Variants in TMEM236 observed in about 807,000 individuals in gnomAD.
The protein encoded by TMEM236 is transmembrane protein 236, also known as family with sequence similarity 23, member A.
In TMEM236, 11 loss-of-function variants were observed where a neutral mutation model predicts 14.7. The ratio of observed to expected loss-of-function variants is 0.75; its 90% CI spans 0.47 to 1.24. The LOEUF is 1.24. Among genes scored for constraint, TMEM236 ranks in the 50% most tolerant of loss-of-function variants. The pLI is 0.00. For missense variants in TMEM236, 464 were observed against 427.3 expected (o/e 1.09, Z -0.76); for synonymous variants, 182 against 168.6 (o/e 1.08, Z -0.62).
intron 3 of TMEM236, among the ~76,000 whole-genome samples, chr10:17,777,576 G>A (rs923290516): frequency 6.6e-6 from 1 of 151,998 alleles, no homozygotes. Context: ...TTCTAGCTGT[G>A]CACGGCTGCA....
intron 1 of TMEM236, among the ~76,000 whole-genome samples, chr10:17,765,297 T>C (rs900674755): frequency 1.9e-4 from 29 of 152,126 alleles, no homozygotes; most frequent in Admixed American, 4.6e-4. Context: ...ACCCATAGGA[T>C]TTCACTCTCT....
Position 17,796,064 on chromosome 10 carries a change from C to G in TMEM236, c.616C>G (p.Arg206Gly), listed in dbSNP as rs1589155117. The G allele has an allele frequency of 6.2e-7, 1 of 1,613,896 alleles. No homozygotes were observed. Among genetic ancestry groups the G allele is most frequent in the Non-Finnish European group, 8.5e-7 (1 of 1,179,866 alleles). Reference protein sequence around the residue: ...QVSQPSGAMTRSQESVFMGPQ... With the variant: ...QVSQPSGAMTGSQESVFMGPQ... Reference sequence around the variant, plus strand: ...GTCGCAGCCATCAGGAGCCATGACACGGAGCCAGGAGTCTGTGTTCATGGG... The same window carrying G: ...GTCGCAGCCATCAGGAGCCATGACAGGGAGCCAGGAGTCTGTGTTCATGGG... The change falls in exon 4 of 4, where the codon CGG (arginine) becomes GGG (glycine). Residue 206 changes from arginine to glycine, a missense_variant. Coordinates refer to ENST00000377495, the MANE Select transcript of TMEM236 (RefSeq NM_001098844.3).
chr10:17,782,964 A>T (rs1837777946), intron 3 of TMEM236, among the ~76,000 whole-genome samples: 1 of 152,162 alleles, frequency 6.6e-6, no homozygotes, highest in African/African-American at 2.4e-5. Flanking sequence ...GCCTGAGGCG[A>T]TGTGCTTGAG....
At chr10:17,785,371 C>T (rs2131761128) in intron 3 of TMEM236, among the ~76,000 whole-genome samples, 1 of 152,258 alleles carries the variant, frequency 6.6e-6, no homozygotes, top group East Asian at 1.9e-4. Context: ...ACTCTGAGAA[C>T]CTCTTACTAT....
At position 17,796,350 on chromosome 10, in the gene TMEM236, T is replaced by A. The variant is rs1554836399; in HGVS notation, c.902T>A (p.Phe301Tyr). 1 of 1,613,906 alleles carries A rather than the reference T, an allele frequency of 6.2e-7. No individual in the cohort carries two copies. The highest frequency in any genetic ancestry group is 2.2e-5 in the East Asian group (1 of 44,882). ...SLSVLLQDLP[F>Y]VFVRLGLIIA... ...AGCGTCCTGCTGCAAGATTTACCAT[T>A]CGTTTTTGTTAGACTTGGTTTAATC... Residue 301 changes from phenylalanine to tyrosine, a missense_variant, in exon 4 of 4, where the codon TTC becomes TAC. Coordinates refer to ENST00000377495, the MANE Select transcript of TMEM236 (RefSeq NM_001098844.3).
chr10:17,800,181 G>A lies in TMEM236; in HGVS notation c.*3677G>A, dbSNP rs1838073919. Reference sequence around the variant, plus strand: ...CGGAGGGCAGAGGTTGCAGTGAGCTGAGATCTCGCCACTATGCTCCAGCCT... The same window carrying A: ...CGGAGGGCAGAGGTTGCAGTGAGCTAAGATCTCGCCACTATGCTCCAGCCT... On this transcript the variant is annotated 3_prime_UTR_variant, in exon 4 of 4. Transcript: ENST00000377495. The A allele has an allele frequency of 6.6e-6, 1 of 150,914 alleles. No individual in the cohort carries two copies. Among genetic ancestry groups the A allele is most frequent in the Non-Finnish European group, 1.5e-5 (1 of 67,880 alleles). 9.3% of individuals were successfully genotyped at this position (150,914 alleles called of 1,614,324 possible). A position where few individuals can be genotyped will look rare whatever the true frequency, so the allele number is the denominator to read the frequency against.
intron 1 of TMEM236, among the ~76,000 whole-genome samples, chr10:17,757,176 G>A (rs906309173): frequency 5.3e-5 from 8 of 152,038 alleles, no homozygotes; most frequent in African/African-American, 1.9e-4. Flanking sequence ...ACTGTTCTAG[G>A]AGCTTTACAC....
At chr10:17,779,195 C>G (rs1837708468) in intron 3 of TMEM236, among the ~76,000 whole-genome samples, 1 of 152,108 alleles carries the variant, frequency 6.6e-6, no homozygotes, top group African/African-American at 2.4e-5. Context: ...AGCATTGCAA[C>G]CATACCTGTT....
Position 17,796,297 on chromosome 10 carries a change from T to G in TMEM236, c.849T>G (p.Thr283=). 1 of 1,613,918 alleles carries G rather than the reference T, an allele frequency of 6.2e-7. No homozygotes were observed. The highest frequency in any genetic ancestry group is 8.5e-7 in the Non-Finnish European group (1 of 1,179,866). The change falls in exon 4 of 4, where the codon ACT becomes ACG. Residue 283 remains threonine (T), a synonymous_variant. Coordinates refer to ENST00000377495, the MANE Select transcript of TMEM236 (RefSeq NM_001098844.3). Reference sequence around the variant, plus strand: ...TTTCTCTCCTTCGAATTACATTCACTCCCCAAAACCCTCTTCTCAATTCCC... The same window carrying G: ...TTTCTCTCCTTCGAATTACATTCACGCCCCAAAACCCTCTTCTCAATTCCC... ...SFISLLRITF[T]PQNPLLNSLS...
At chr10:17,759,889 A>T (rs1028219624) in intron 1 of TMEM236, among the ~76,000 whole-genome samples, 1 of 143,724 alleles carries the variant, frequency 7.0e-6, no homozygotes, top group Non-Finnish European at 1.5e-5. Flanking sequence ...AGGCTGAGGC[A>T]GGAGAATGGC....
chr10:17,757,598 CA>C (rs143988279), intron 1 of TMEM236, among the ~76,000 whole-genome samples: 1,467 of 98,562 alleles, frequency 0.015, 7 homozygotes, highest in African/African-American at 0.032. Context: ...AACCCTGTCT[CA>C]AAAAAAAAAA....
intron 1 of TMEM236, among the ~76,000 whole-genome samples, chr10:17,770,524 C>T (rs552712939): frequency 2.0e-5 from 3 of 152,296 alleles, no homozygotes; most frequent in African/African-American, 7.2e-5. Flanking sequence ...GCTGGGACTA[C>T]AGGTGCTCGC....
intron 3 of TMEM236, among the ~76,000 whole-genome samples, chr10:17,794,280 C>T (rs1474487729): frequency 6.6e-6 from 1 of 152,116 alleles, no homozygotes; most frequent in African/African-American, 2.4e-5. Context: ...TAGAGCTATT[C>T]AGTCTAATGG....
chr10:17,796,399 C>T lies in TMEM236; in HGVS notation c.951C>T (p.Pro317=), dbSNP rs1326251606. ...TCATTGCCCTGGGGACTATCACACC[C>T]GTACTGGGCCTGTGTAAAAATATCC... ...GLIIALGTIT[P]VLGLCKNILV... The change falls in exon 4 of 4, where the codon CCC becomes CCT. Residue 317 remains proline, a synonymous_variant. Transcript: ENST00000377495. 12 of 1,613,660 alleles carry T rather than the reference C, an allele frequency of 7.4e-6. No individual in the cohort carries two copies. The highest frequency in any genetic ancestry group is 1.7e-5 in the Admixed American group (1 of 59,970).
At position 17,774,294 on chromosome 10, in the gene TMEM236, C is replaced by G. The variant is rs891215079; in HGVS notation, c.331-1735C>G. Reference sequence around the variant, plus strand: ...TCCTGACCTCAAGTGATTTACCTGCCTTGGACCCCTGAAGTGCTGGGATTT... The same window carrying G: ...TCCTGACCTCAAGTGATTTACCTGCGTTGGACCCCTGAAGTGCTGGGATTT... On this transcript the variant is annotated intron_variant, in intron 2 of 3. Coordinates refer to ENST00000377495, the MANE Select transcript of TMEM236 (RefSeq NM_001098844.3). Among the ~76,000 whole-genome samples the G allele has an allele frequency of 5.6e-3, 857 of 152,266 alleles. 5 individuals carry two copies. Among genetic ancestry groups the G allele is most frequent in the African/African-American group, 0.02 (813 of 41,532 alleles).
intron 3 of TMEM236, among the ~76,000 whole-genome samples, chr10:17,776,724 C>T (rs1473671909): frequency 1.3e-5 from 2 of 152,098 alleles, no homozygotes; most frequent in African/African-American, 4.8e-5. Flanking sequence ...GGCATGAGCT[C>T]AGGAGTTTGA....
At chr10:17,776,987 A>T (rs962471048) in intron 3 of TMEM236, among the ~76,000 whole-genome samples, 18 of 152,182 alleles carry the variant, frequency 1.2e-4, no homozygotes, top group African/African-American at 4.1e-4. Flanking sequence ...CTGTGTGGCT[A>T]AGATTTTGTC....
intron 2 of TMEM236, among the ~76,000 whole-genome samples, chr10:17,774,940 G>T (rs1837635759): frequency 6.6e-6 from 1 of 152,042 alleles, no homozygotes; most frequent in African/African-American, 2.4e-5. Context: ...TGGGACCACT[G>T]GCATGTGCCA....
Position 17,779,025 on chromosome 10 carries a change from A to T in TMEM236, c.472+2855A>T, listed in dbSNP as rs1051443750. Among the ~76,000 whole-genome samples the T allele has an allele frequency of 3.9e-5, 6 of 152,222 alleles. No homozygotes were observed. The South Asian group carries it at 1.0e-3, about 26-fold the overall frequency. Reference sequence around the variant, plus strand: ...TTTCTGACGCGTGGATCTCTGTAGCACGGCAGTCTCACAGATGTACGTGGT... The same window carrying T: ...TTTCTGACGCGTGGATCTCTGTAGCTCGGCAGTCTCACAGATGTACGTGGT... On this transcript the variant is annotated intron_variant, in intron 3 of 3. Coordinates refer to ENST00000377495, the MANE Select transcript of TMEM236 (RefSeq NM_001098844.3).
Sources: gnomAD v4.1 joint callset for allele counts (sites outside exome capture counted in the v4.1 genomes callset) on GRCh38, gnomAD v4.1.1 for gene constraint, MANE v1.5 for transcripts, NCBI Gene and HGNC (gene_info 2026-07-23, HGNC 2026-07-21) for gene names.